Variants in RBMS3 observed in about 807,000 individuals in gnomAD.
RBMS3 encodes the protein RNA-binding motif, single-stranded-interacting protein 3.
RBMS3 carries 27 observed loss-of-function variants against 66.8 expected under a neutral mutation model. The ratio of observed to expected loss-of-function variants is 0.40; its 90% CI spans 0.30 to 0.56. The LOEUF is 0.56. RBMS3 is among the 20% of genes least tolerant of loss of function. The pLI is 0.40. For synonymous variants in RBMS3, 188 were observed against 183.0 expected (o/e 1.03, Z -0.22); for missense variants, 513 against 549.5 (o/e 0.93, Z 0.66).
At chr3:29,414,936 C>T (rs2040420291) in intron 1 of RBMS3, among the ~76,000 whole-genome samples, 1 of 152,058 alleles carries the variant, frequency 6.6e-6, no homozygotes, top group Non-Finnish European at 1.5e-5. Flanking sequence ...AAAATGTAGC[C>T]ATGAGATTCA....
chr3:29,404,650 C>G (rs2039940310), intron 1 of RBMS3, among the ~76,000 whole-genome samples: 2 of 152,034 alleles, frequency 1.3e-5, no homozygotes, highest in Admixed American at 1.3e-4. Flanking sequence ...TCCAGTGAAA[C>G]CCCTTACTGC....
intron 4 of RBMS3, among the ~76,000 whole-genome samples, chr3:29,605,202 A>G (rs1275680666): frequency 1.3e-5 from 2 of 151,848 alleles, no homozygotes; most frequent in Non-Finnish European, 2.9e-5. Flanking sequence ...AAAGGAAGCC[A>G]CTGTGCAGAC....
chr3:29,480,059 A>G (rs112242566), intron 2 of RBMS3, among the ~76,000 whole-genome samples: 1 of 152,240 alleles, frequency 6.6e-6, no homozygotes, highest in East Asian at 1.9e-4. Flanking sequence ...ATGATCATTC[A>G]GCATACAAGG....
chr3:29,940,842 T>TA (rs2061377405), intron 11 of RBMS3, among the ~76,000 whole-genome samples: 1 of 151,770 alleles, frequency 6.6e-6, no homozygotes, highest in East Asian at 1.9e-4. Context: ...TTTCCTAGCT[T>TA]TTCTACTTTT....
intron 1 of RBMS3, among the ~76,000 whole-genome samples, chr3:29,417,982 G>T (rs9835541): frequency 0.25 from 37,539 of 151,898 alleles, 4,721 homozygotes; most frequent in South Asian, 0.26. Context: ...CCAACCATTG[G>T]AATTTAAGCT....
chr3:29,755,191 A>G (rs2055353997), intron 5 of RBMS3, among the ~76,000 whole-genome samples: 2 of 152,314 alleles, frequency 1.3e-5, no homozygotes, highest in Middle Eastern at 3.4e-3. Context: ...TTCTTTATGA[A>G]AATTCCTTCT....
chr3:29,283,895 A>G (rs1333765232), intron 1 of RBMS3, among the ~76,000 whole-genome samples: 27 of 152,138 alleles, frequency 1.8e-4, no homozygotes, highest in Non-Finnish European at 1.3e-4. Flanking sequence ...TGAAACTTGC[A>G]TAGAGAGGAA....
intron 3 of RBMS3, among the ~76,000 whole-genome samples, chr3:29,585,172 C>T (rs537400759): frequency 2.6e-5 from 4 of 151,996 alleles, no homozygotes; most frequent in East Asian, 1.9e-4. Context: ...ATAAATAAGC[C>T]GATGAACGGA....
intron 6 of RBMS3, among the ~76,000 whole-genome samples, chr3:29,795,570 A>G (rs905217767): frequency 2.0e-5 from 3 of 152,260 alleles, no homozygotes; most frequent in Non-Finnish European, 4.4e-5. Flanking sequence ...AAAACTGTAT[A>G]TCACACATAA....
At chr3:29,303,977 T>C (rs2033845815) in intron 1 of RBMS3, among the ~76,000 whole-genome samples, 1 of 151,926 alleles carries the variant, frequency 6.6e-6, no homozygotes, top group Non-Finnish European at 1.5e-5. Flanking sequence ...ATGAGACTTA[T>C]TCACTACCAT....
chr3:29,750,342 C>T (rs779530748), intron 5 of RBMS3, among the ~76,000 whole-genome samples: 9 of 151,884 alleles, frequency 5.9e-5, no homozygotes, highest in Non-Finnish European at 7.4e-5. Flanking sequence ...TAAAGTAAAA[C>T]GATAATTGTC....
At chr3:29,507,379 C>A (rs1303829857) in intron 3 of RBMS3, among the ~76,000 whole-genome samples, 5 of 151,634 alleles carry the variant, frequency 3.3e-5, no homozygotes, top group Non-Finnish European at 7.4e-5. Context: ...CTAATATGCA[C>A]AAATAGAAAT....
intron 2 of RBMS3, among the ~76,000 whole-genome samples, chr3:29,481,342 G>T (rs2043123257): frequency 6.6e-6 from 1 of 152,162 alleles, no homozygotes; most frequent in South Asian, 2.1e-4. Flanking sequence ...CTTGAGAATT[G>T]ATACTACATG....
At chr3:29,751,322 A>T (rs1040612878) in intron 5 of RBMS3, among the ~76,000 whole-genome samples, 3 of 152,182 alleles carry the variant, frequency 2.0e-5, no homozygotes, top group African/African-American at 7.2e-5. Flanking sequence ...ATCAGCTTTG[A>T]CCTCACAAAA....
intron 5 of RBMS3, among the ~76,000 whole-genome samples, chr3:29,748,384 C>T (rs76482345): frequency 6.6e-6 from 1 of 152,272 alleles, no homozygotes; most frequent in African/African-American, 2.4e-5. Flanking sequence ...GAGCTCAGAG[C>T]TTGAAGATGG....
chr3:29,933,479 T>G (rs1577189211), intron 10 of RBMS3, among the ~76,000 whole-genome samples: 1 of 151,876 alleles, frequency 6.6e-6, no homozygotes, highest in South Asian at 2.1e-4. Flanking sequence ...CTCCCAGGAG[T>G]TCCTATTAGT....
At chr3:29,759,875 T>C (rs551287362) in intron 5 of RBMS3, among the ~76,000 whole-genome samples, 1 of 152,202 alleles carries the variant, frequency 6.6e-6, no homozygotes, top group South Asian at 2.1e-4. Context: ...AAAATGGAAT[T>C]GTCACTGCTG....
intron 14 of RBMS3, among the ~76,000 whole-genome samples, chr3:29,993,920 GGGA>G (rs1699045432): frequency 6.6e-6 from 1 of 152,154 alleles, no homozygotes; most frequent in Admixed American, 6.5e-5. Context: ...CTGTATCGGG[GGGA>G]GGAACCAAGA....
chr3:29,764,709 C>T (rs2055850459), intron 6 of RBMS3, among the ~76,000 whole-genome samples: 1 of 151,938 alleles, frequency 6.6e-6, no homozygotes, highest in Non-Finnish European at 1.5e-5. Flanking sequence ...TTGGTTTTCC[C>T]CAATGAACAT....
Sources: allele counts gnomAD v4.1 joint callset (sites outside exome capture counted in the v4.1 genomes callset), GRCh38; gene constraint gnomAD v4.1.1; transcripts MANE v1.5; gene names NCBI Gene and HGNC (gene_info 2026-07-23, HGNC 2026-07-21).